Variants in PIK3C2G observed in about 807,000 individuals in gnomAD.
PIK3C2G encodes the protein phosphatidylinositol-4-phosphate 3-kinase catalytic subunit type 2 gamma.
PIK3C2G carries 168 observed loss-of-function variants against 181.1 expected under a neutral mutation model. The ratio of observed to expected loss-of-function variants is 0.93; its 90% CI spans 0.82 to 1.05. The LOEUF (loss-of-function observed/expected upper bound fraction) is 1.05, where lower values mean the gene tolerates loss of function less well. PIK3C2G is among the 50% of genes least tolerant of loss of function. PIK3C2G has a pLI of 0.00. For missense variants in PIK3C2G, 1,869 were observed against 1,732.8 expected, an observed-to-expected ratio of 1.08 and a Z score of -1.40; for synonymous variants, 573 against 592.2, an observed-to-expected ratio of 0.97 and a Z score of 0.47.
chr12:18,710,679 G>A, the PIK3C2G span, among the ~76,000 whole-genome samples: 3 of 152,106 alleles, frequency 2.0e-5, no homozygotes, highest in South Asian at 6.2e-4. Context: ...GACTACGACA[G>A]TGACAGTAAA....
chr12:18,653,462 G>A, the PIK3C2G span, among the ~76,000 whole-genome samples: 8 of 152,104 alleles, frequency 5.3e-5, no homozygotes, highest in African/African-American at 1.9e-4. Flanking sequence ...CCTGATATTT[G>A]AACAGTGACT....
chr12:18,488,934 G>A (rs1475393622), intron 19 of PIK3C2G, among the ~76,000 whole-genome samples: 2 of 152,020 alleles, frequency 1.3e-5, no homozygotes, highest in African/African-American at 4.8e-5. Context: ...CAATATGGAG[G>A]CACAATTCAG....
In PIK3C2G at chr12:18,362,796, C is replaced by G; in HGVS notation, c.1658C>G (p.Thr553Arg). ...YKAFSFTCWL[T>R]YAGKKLCQVR... ...GCGTTTTCTTTTACCTGTTGGCTTA[C>G]ATATGCTGGAAAGAAGCTGTGCCAA... The change falls in exon 12 of 33, where the codon ACA (threonine) becomes AGA (arginine). Residue 553 changes from threonine to arginine, a missense_variant. Coordinates refer to ENST00000538779, the MANE Select transcript of PIK3C2G (RefSeq NM_001288772.2). The G allele has an allele frequency of 6.6e-7, 1 of 1,524,128 alleles. No homozygotes were observed. Among genetic ancestry groups the G allele is most frequent in the Non-Finnish European group, 8.8e-7 (1 of 1,141,888 alleles). The allele number at this position is 1,524,128 out of a possible 1,614,324, so 94.4% of individuals were successfully genotyped here.
chr12:18,467,245 C>G (rs1228779085), intron 18 of PIK3C2G, among the ~76,000 whole-genome samples: 1 of 151,974 alleles, frequency 6.6e-6, no homozygotes, highest in African/African-American at 2.4e-5. Flanking sequence ...TATACAGACA[C>G]AGCTTCAGAG....
At chr12:18,611,920 C>G (rs1354835391) in intron 31 of PIK3C2G, among the ~76,000 whole-genome samples, 1 of 152,104 alleles carries the variant, frequency 6.6e-6, no homozygotes, top group African/African-American at 2.4e-5. Context: ...TTTATAATCT[C>G]TTTTTAATCT....
the PIK3C2G span, among the ~76,000 whole-genome samples, chr12:18,699,444 G>A: frequency 1.4e-4 from 22 of 152,004 alleles, no homozygotes; most frequent in African/African-American, 4.8e-4. Flanking sequence ...GCGCACCTTC[G>A]CTTCCAGGAC....
intron 24 of PIK3C2G, 56 bp from the exon 25 acceptor site, chr12:18,538,100 A>C (rs1943954564): frequency 1.3e-6 from 2 of 1,510,798 alleles, no homozygotes; most frequent in African/African-American, 2.8e-5. Context: ...CTGCTGATTT[A>C]ACCTGACAAA....
chr12:18,488,290 A>C (rs558951330), intron 18 of PIK3C2G, among the ~76,000 whole-genome samples, 159 bp from the exon 19 acceptor site: 1 of 152,210 alleles, frequency 6.6e-6, no homozygotes, highest in South Asian at 2.1e-4. Context: ...GAACTTGATG[A>C]CTGTCAATGA....
intron 26 of PIK3C2G, among the ~76,000 whole-genome samples, chr12:18,561,726 A>C (rs1024675443): frequency 3.3e-5 from 5 of 151,860 alleles, no homozygotes; most frequent in Admixed American, 2.6e-4. Context: ...TTACACCATT[A>C]GAATGCAAAC....
chr12:18,421,280 A>G (rs1945471871), intron 17 of PIK3C2G, among the ~76,000 whole-genome samples: 1 of 152,064 alleles, frequency 6.6e-6, no homozygotes, highest in African/African-American at 2.4e-5. Flanking sequence ...AATATGAAAA[A>G]ATAGACATGC....
chr12:18,388,894 G>T (rs1398181335), intron 14 of PIK3C2G, among the ~76,000 whole-genome samples: 2 of 152,168 alleles, frequency 1.3e-5, no homozygotes, highest in Non-Finnish European at 2.9e-5. Flanking sequence ...GTTTGAATAT[G>T]TTCCTCTATC....
chr12:18,313,840 G>A (rs201129144), intron 5 of PIK3C2G, 122 bp from the exon 6 acceptor site: 98 of 603,738 alleles, frequency 1.6e-4, no homozygotes, highest in East Asian at 1.0e-3. Flanking sequence ...GCACACACAC[G>A]CACACACTCA....
intron 29 of PIK3C2G, among the ~76,000 whole-genome samples, chr12:18,568,958 A>T (rs1945784602): frequency 6.6e-6 from 1 of 152,140 alleles, no homozygotes; most frequent in African/African-American, 2.4e-5. Context: ...GTTCAAGGGT[A>T]AATTATAAGA....
chr12:18,468,884 C>A (rs1938175898), intron 18 of PIK3C2G, among the ~76,000 whole-genome samples: 1 of 151,972 alleles, frequency 6.6e-6, no homozygotes, highest in Non-Finnish European at 1.5e-5. Context: ...GAAAATGAGT[C>A]AAACCATTGA....
At chr12:18,409,562 T>A (rs1343721152) in intron 16 of PIK3C2G, among the ~76,000 whole-genome samples, 1 of 151,802 alleles carries the variant, frequency 6.6e-6, no homozygotes, top group African/African-American at 2.4e-5. Context: ...AAATAAAAAA[T>A]AAAAATAAGC....
intron 31 of PIK3C2G, among the ~76,000 whole-genome samples, chr12:18,626,325 T>C (rs10841048): frequency 0.27 from 40,234 of 151,708 alleles, 5,509 homozygotes; most frequent in Non-Finnish European, 0.29. Flanking sequence ...TCACACACCA[T>C]TTTATGTTTT....
rs112596610 is a variant in PIK3C2G, at chr12:18,597,774, T to A, written c.4087+3205T>A. 3.1e-3 allele frequency among the ~76,000 whole-genome samples: 469 copies of A among 151,976 alleles called. 2 individuals are homozygous for A. The highest frequency in any genetic ancestry group is 9.6e-3 in the African/African-American group (397 of 41,474). On this transcript the variant is annotated intron_variant, in intron 30 of 32. Transcript: ENST00000538779. ...CCATTGTCTCAGCCCAAAATCTCCT[T>A]AAGCTGATAAGCAACTTCAGCAAAG...
At chr12:18,273,017 C>T (rs1449200498) in intron 1 of PIK3C2G, among the ~76,000 whole-genome samples, 2 of 145,778 alleles carry the variant, frequency 1.4e-5, no homozygotes, top group Admixed American at 1.4e-4. Context: ...CATCCATAGA[C>T]ACACACAAAC....
intron 24 of PIK3C2G, among the ~76,000 whole-genome samples, chr12:18,517,493 A>G (rs181746710): frequency 6.6e-6 from 1 of 152,228 alleles, no homozygotes; most frequent in Non-Finnish European, 1.5e-5. Flanking sequence ...TCTTTGTAGC[A>G]GTTGTGAATG....
Sources: allele counts gnomAD v4.1 joint callset (sites outside exome capture counted in the v4.1 genomes callset), GRCh38; gene constraint gnomAD v4.1.1; transcripts MANE v1.5; gene names NCBI Gene and HGNC (gene_info 2026-07-23, HGNC 2026-07-21).